The following CUX1 variants were observed in gnomAD, a reference collection of about 807,000 sequenced individuals.
CUX1 encodes the protein protein CASP.
A neutral mutation model predicts 158.8 loss-of-function variants in CUX1; 31 were observed. The ratio of observed to expected loss-of-function variants is 0.20; its 90% confidence interval spans 0.15 to 0.26. The LOEUF is 0.26. Ranked by LOEUF, CUX1 falls within the 10% of genes least tolerant of loss-of-function variation. The probability of loss-of-function intolerance (pLI) is 1.00; values close to 1 mark genes in which losing one functional copy is unlikely to be tolerated. For missense variants in CUX1, 1,589 were observed against 2,014.6 expected (o/e 0.79, Z 4.04); for synonymous variants, 879 against 862.1 (o/e 1.02, Z -0.34).
rs558724098 is a variant in CUX1, at chr7:102,023,078, G to A, written c.142-5020G>A. On this transcript the variant is annotated intron_variant, in intron 2 of 23. Transcript: ENST00000292535. ...AAAAGTACAAAAATTAGCAGGGCGG[G>A]GTGGCTCGCACCTATAGTCTCAGCT... is the stretch of plus-strand genomic sequence containing the variant. Among the ~76,000 whole-genome samples the A allele has an allele frequency of 2.0e-5, 3 of 152,196 alleles. No homozygotes were observed. In the East Asian group the frequency reaches 5.8e-4, roughly 29 times the overall value.
chr7:102,189,912 GC>G, intron 12 of CUX1, 41 bp downstream of exon 12: 1 of 1,599,534 alleles, frequency 6.3e-7, no homozygotes, highest in Non-Finnish European at 8.6e-7. Flanking sequence ...ACGCTGGGGC[GC>G]ATTAGGGCCA....
chr7:102,179,193 G>A (rs1365260417), intron 11 of CUX1, among the ~76,000 whole-genome samples: 12 of 152,106 alleles, frequency 7.9e-5, no homozygotes, highest in Admixed American at 7.2e-4. Context: ...GACTACAGGC[G>A]CCTGCCACCA....
At chr7:102,226,852 A>G (rs890120708) in intron 20 of CUX1, among the ~76,000 whole-genome samples, 1 of 152,164 alleles carries the variant, frequency 6.6e-6, no homozygotes, top group Non-Finnish European at 1.5e-5. Context: ...GCTGGTCTCG[A>G]ACTCCTGACC....
At chr7:101,990,546 T>A (rs932359468) in intron 2 of CUX1, among the ~76,000 whole-genome samples, 1 of 152,122 alleles carries the variant, frequency 6.6e-6, no homozygotes, top group Non-Finnish European at 1.5e-5. Context: ...CTGGCTAATT[T>A]CTGTATTTTT....
chr7:101,993,197 G>A (rs1051561270), intron 2 of CUX1, among the ~76,000 whole-genome samples: 1 of 152,186 alleles, frequency 6.6e-6, no homozygotes, highest in South Asian at 2.1e-4. Context: ...CGGGTGTGTG[G>A]TGGGTACCAG....
At chr7:102,162,362 G>A (rs568123954) in intron 9 of CUX1, among the ~76,000 whole-genome samples, 5 of 152,006 alleles carry the variant, frequency 3.3e-5, no homozygotes, top group South Asian at 2.1e-4. Context: ...CAACCTCCCC[G>A]TCCTGGGTTC....
intron 2 of CUX1, among the ~76,000 whole-genome samples, chr7:101,958,435 G>T (rs1241752316): frequency 6.6e-6 from 1 of 151,518 alleles, no homozygotes; most frequent in Non-Finnish European, 1.5e-5. Flanking sequence ...TCAGTGGGAG[G>T]AGTAACCCAA....
intron 1 of CUX1, among the ~76,000 whole-genome samples, chr7:101,886,868 C>T (rs1800279493): frequency 6.6e-6 from 1 of 152,142 alleles, no homozygotes; most frequent in Non-Finnish European, 1.5e-5. Context: ...TGTTTTCTGG[C>T]CATGTGACCT....
At chr7:102,224,795 A>G (rs782793557) in intron 20 of CUX1, among the ~76,000 whole-genome samples, 14 of 152,200 alleles carry the variant, frequency 9.2e-5, no homozygotes, top group Non-Finnish European at 1.8e-4. Context: ...ACCCAGAACA[A>G]AACAGGGAGA....
intron 2 of CUX1, among the ~76,000 whole-genome samples, chr7:102,019,268 C>A (rs1274287819): frequency 1.3e-5 from 2 of 151,568 alleles, no homozygotes; most frequent in Non-Finnish European, 2.9e-5. Flanking sequence ...CATTCTGTTG[C>A]CCAGGCTGGA....
chr7:101,922,305 C>T (rs1805049112), intron 2 of CUX1, among the ~76,000 whole-genome samples: 1 of 152,152 alleles, frequency 6.6e-6, no homozygotes, highest in African/African-American at 2.4e-5. Flanking sequence ...GATAGAATGA[C>T]TGGAATCTTC....
At chr7:102,142,941 T>A (rs782257575) in intron 8 of CUX1, among the ~76,000 whole-genome samples, 3 of 151,970 alleles carry the variant, frequency 2.0e-5, no homozygotes, top group African/African-American at 7.3e-5. Context: ...ATAATAATAA[T>A]AAAAACAAAT....
intron 3 of CUX1, 78 bp downstream of exon 3, chr7:102,028,223 C>T: frequency 6.7e-7 from 1 of 1,496,860 alleles, no homozygotes. Flanking sequence ...TAAAGAAATG[C>T]TCCGGGCAAA....
chr7:101,817,088 G>T, upstream of CUX1: 1 of 984,668 alleles, frequency 1.0e-6, no homozygotes, highest in Non-Finnish European at 1.2e-6. This position sits in a 1 kb window ranked among gnomAD's most constrained non-coding sequence, Gnocchi z 4.1. Flanking sequence ...GGGGTGCCCC[G>T]CGCGCAGTGT....
intron 2 of CUX1, among the ~76,000 whole-genome samples, chr7:101,972,671 G>A (rs753874565): frequency 3.3e-5 from 5 of 152,202 alleles, no homozygotes; most frequent in Non-Finnish European, 5.9e-5. Flanking sequence ...GAGTTCAGCC[G>A]CCAAGGTGGA....
At chr7:102,212,673 C>A (rs1185328660) in intron 20 of CUX1, among the ~76,000 whole-genome samples, 2 of 150,834 alleles carry the variant, frequency 1.3e-5, no homozygotes, top group Admixed American at 6.6e-5. Flanking sequence ...CCACACCCCA[C>A]CCCACCACCA....
chr7:102,263,161 A>G (rs1377573928), downstream of CUX1, among the ~76,000 whole-genome samples: 1 of 150,498 alleles, frequency 6.6e-6, no homozygotes, highest in Non-Finnish European at 1.5e-5. Flanking sequence ...TTACAGGTGC[A>G]TGCCACCACG....
intron 20 of CUX1, among the ~76,000 whole-genome samples, chr7:102,207,060 C>T (rs1361783812): frequency 6.6e-6 from 1 of 152,130 alleles, no homozygotes; most frequent in African/African-American, 2.4e-5. Context: ...TGTGCTGGAA[C>T]GTTTGTACAA....
At chr7:102,007,602 C>T (rs917003263) in intron 2 of CUX1, among the ~76,000 whole-genome samples, 3 of 151,720 alleles carry the variant, frequency 2.0e-5, no homozygotes, top group Admixed American at 2.0e-4. Flanking sequence ...CTCACCTGGG[C>T]CCTAAACTTC....
Sources: gnomAD v4.1 joint callset for allele counts (sites outside exome capture counted in the v4.1 genomes callset) on GRCh38, gnomAD v4.1.1 for gene constraint, Gnocchi (gnomAD v3.1) non-coding constraint, MANE v1.5 for transcripts, NCBI Gene and HGNC (gene_info 2026-07-23, HGNC 2026-07-21) for gene names.